The following BGN variants were observed in gnomAD, a reference collection of about 807,000 sequenced individuals.
BGN encodes bone/cartilage proteoglycan-I.
BGN carries 6 observed loss-of-function variants against 20.0 expected under a neutral mutation model. The ratio of observed to expected loss-of-function variants is 0.30; its 90% confidence interval spans 0.16 to 0.59. The LOEUF is 0.59. Ranked by LOEUF, BGN falls within the 20% of genes least tolerant of loss-of-function variation. The pLI, the probability that BGN is intolerant of heterozygous loss-of-function variation, is 0.88. For synonymous variants in BGN, 146 were observed against 134.6 expected (o/e 1.08, Z -0.59); for missense variants, 292 against 312.1 (o/e 0.94, Z 0.49).
Position 153,508,783 on chromosome X carries a change from G to C in BGN, c.*338G>C. The C allele has an allele frequency of 3.3e-6, 1 of 302,999 alleles. No homozygotes were observed. The highest frequency in any genetic ancestry group is 5.8e-6 in the Non-Finnish European group (1 of 171,917). 25.0% of individuals were successfully genotyped at this position (302,999 alleles called of 1,213,427 possible). A position where few individuals can be genotyped will look rare whatever the true frequency, so the allele number is the denominator to read the frequency against. ...CCAAGGCTCCAGTCCTAGGAGAACA[G>C]TCCCTGGGTCAGCAGCCAGGAGGCG... is the stretch of plus-strand genomic sequence containing the variant. On this transcript the variant is annotated 3_prime_UTR_variant, in exon 8 of 8. Coordinates refer to ENST00000331595, the MANE Select transcript of BGN (RefSeq NM_001711.6).
chrX:153,495,972 A>G (rs2266860), intron 1 of BGN, among the ~76,000 whole-genome samples: 30,168 of 112,015 alleles, frequency 0.27, 3,634 homozygotes, highest in East Asian at 0.87. Context: ...GGGCCTGCCA[A>G]GGGACCCAGG....
Position 153,508,543 on chromosome X carries a change from C to T in BGN, c.*98C>T. ...CAGAGCCAGGAAGCTAAGCCAGGGC[C>T]CAGCTGCGTCCAACCCAGCCCCCCA... On this transcript the variant is annotated 3_prime_UTR_variant, in exon 8 of 8. Transcript: ENST00000331595. The T allele has an allele frequency of 3.0e-6, 3 of 983,651 alleles. No homozygotes were observed. Among genetic ancestry groups the T allele is most frequent in the South Asian group, 4.6e-5 (2 of 43,585 alleles). The allele number at this position is 983,651 out of a possible 1,213,427, so 81.1% of individuals were successfully genotyped here.
chrX:153,505,093 C>G (rs1438704249), intron 2 of BGN, 145 bp from the exon 3 acceptor site: 1 of 578,171 alleles, frequency 1.7e-6, no homozygotes, highest in Admixed American at 3.1e-5. Context: ...CCCGGTCCTC[C>G]CTACCAGTGG....
At chrX:153,499,626 C>T (rs2089742405) in intron 1 of BGN, among the ~76,000 whole-genome samples, 1 of 113,260 alleles carries the variant, frequency 8.8e-6, no homozygotes, top group African/African-American at 3.2e-5. Flanking sequence ...AAGGTCCACC[C>T]CTCCCCACTC....
intron 1 of BGN, among the ~76,000 whole-genome samples, chrX:153,502,512 G>A (rs916693044): frequency 3.6e-5 from 4 of 112,271 alleles, no homozygotes; most frequent in South Asian, 7.4e-4. Context: ...GTCCTACAGC[G>A]GCAGCAGGCA....
rs1413093813 is a variant in BGN at position 153,505,887 on chromosome X, A to G, written c.376A>G (p.Ile126Val). 6 of 1,209,517 alleles carry G rather than the reference A, an allele frequency of 5.0e-6. No individual in the cohort carries two copies. In the Admixed American group the frequency reaches 1.3e-4, roughly 26 times the overall value. The change falls in exon 4 of 8, where the codon ATC becomes GTC. Residue 126 changes from isoleucine (I) to valine (V), a missense_variant. Transcript: ENST00000331595. The stretch of plus-strand genomic sequence containing the variant: ...GGCCCTCGTCCTGGTGAACAACAAG[A>G]TCTCCAAGATCCATGAGAAGGCCTT... Reference protein sequence around the residue: ...LYALVLVNNKISKIHEKAFSP... With the variant: ...LYALVLVNNKVSKIHEKAFSP...
At chrX:153,504,471 A>G (rs2089783724) in intron 1 of BGN, 150 bp from the exon 2 acceptor site, 1 of 485,869 alleles carries the variant, frequency 2.1e-6, no homozygotes, top group Admixed American at 3.9e-5. Flanking sequence ...CTCTGCCCAC[A>G]CTCCGCCCTC....
At position 153,508,596 on chromosome X, in the gene BGN, C is replaced by T; in HGVS notation, c.*151C>T. On this transcript the variant is annotated 3_prime_UTR_variant, in exon 8 of 8. Transcript: ENST00000331595. ...TCGGGTCCCTGACCCCAGCTCGATG[C>T]CCCATCACCGCCTCTCCCTGGCTCC... is the stretch of plus-strand genomic sequence containing the variant. 3 of 648,310 alleles carry T rather than the reference C, an allele frequency of 4.6e-6. No homozygotes were observed. The Admixed American group carries it at 1.0e-4, about 22-fold the overall frequency. The allele number at this position is 648,310 out of a possible 1,213,427, so 53.4% of individuals were successfully genotyped here.
chrX:153,505,019 G>A, intron 2 of BGN, 150 bp downstream of exon 2: 3 of 660,797 alleles, frequency 4.5e-6, no homozygotes, highest in East Asian at 6.7e-5. Flanking sequence ...GCTGTGAGCT[G>A]TGCAGTTTGT....
Position 153,506,811 on chromosome X carries a change from T to G in BGN, c.677-19T>G. The G allele has an allele frequency of 8.3e-7, 1 of 1,202,984 alleles. No homozygotes were observed. Among genetic ancestry groups the G allele is most frequent in the Non-Finnish European group, 1.1e-6 (1 of 887,811 alleles). ...CCCTCAGCACCTGCATTCTCCCCTG[T>G]GCCCTCTTCTCCTGGCAGACCTCCC... is the stretch of plus-strand genomic sequence containing the variant. On this transcript the variant is annotated intron_variant, in intron 5 of 7. Coordinates refer to ENST00000331595, the MANE Select transcript of BGN (RefSeq NM_001711.6).
intron 1 of BGN, among the ~76,000 whole-genome samples, chrX:153,500,976 A>C (rs1281917559): frequency 9.1e-6 from 1 of 110,468 alleles, no homozygotes; most frequent in African/African-American, 3.3e-5. Flanking sequence ...GTGAGTGTCT[A>C]GGTGTGTGCA....
chrX:153,508,218 C>G, intron 7 of BGN, 30 bp from the exon 8 acceptor site: 1 of 1,203,884 alleles, frequency 8.3e-7, no homozygotes, highest in Non-Finnish European at 1.1e-6. Flanking sequence ...GGGAGGGAGG[C>G]CTGCCGTGAC....
In BGN at chrX:153,504,850, G is replaced by A; in HGVS notation, c.219G>A (p.Val73=). ...TCGGCTGCCACTGCCACCTGCGGGT[G>A]GTTCAGTGCTCCGACCTGGGTTTGT... is the stretch of plus-strand genomic sequence containing the variant. ...CPFGCHCHLR[V]VQCSDLGLKS... The change falls in exon 2 of 8, where the codon GTG becomes GTA. Residue 73 remains valine, a synonymous_variant. Coordinates refer to ENST00000331595, the MANE Select transcript of BGN (RefSeq NM_001711.6). The A allele has an allele frequency of 8.3e-7, 1 of 1,207,285 alleles. No homozygotes were observed.
intron 7 of BGN, among the ~76,000 whole-genome samples, chrX:153,507,849 G>A (rs1022744899): frequency 1.8e-5 from 2 of 113,479 alleles, no homozygotes; most frequent in African/African-American, 3.2e-5. Flanking sequence ...GCTAGAGGGC[G>A]AGCTCCTCTG....
At chrX:153,505,803 G>A in intron 3 of BGN, 60 bp from the exon 4 acceptor site, 2 of 1,032,577 alleles carry the variant, frequency 1.9e-6, no homozygotes, top group Non-Finnish European at 2.6e-6. Context: ...GAAGGCAGGA[G>A]AGAGGGGCGG....
chrX:153,507,000 C>T lies in BGN; in HGVS notation c.771-47C>T, dbSNP rs2089805887. 3 of 1,208,302 alleles carry T rather than the reference C, an allele frequency of 2.5e-6. No individual in the cohort carries two copies. The African/African-American group carries it at 5.2e-5, about 21-fold the overall frequency. The stretch of plus-strand genomic sequence containing the variant: ...GTGTGGCCCCTCGCGCCCAGCCCCC[C>T]ATCCTTACCTCCAGCCTTTGAGTCC... On this transcript the variant is annotated intron_variant, in intron 6 of 7. Coordinates refer to ENST00000331595, the MANE Select transcript of BGN (RefSeq NM_001711.6).
chrX:153,506,150 T>C, intron 4 of BGN, 74 bp downstream of exon 4: 1 of 1,007,605 alleles, frequency 9.9e-7, no homozygotes, highest in Non-Finnish European at 1.4e-6. Flanking sequence ...AGGGATACCT[T>C]TAGAGGCTCA....
chrX:153,507,819 T>G (rs2089814340), intron 7 of BGN, among the ~76,000 whole-genome samples: 1 of 113,255 alleles, frequency 8.8e-6, no homozygotes, highest in African/African-American at 3.2e-5. Flanking sequence ...AGACGGTGGC[T>G]CCAGAGAGTT....
chrX:153,505,404 G>C (rs995215868), intron 3 of BGN, 54 bp downstream of exon 3: 4 of 1,035,841 alleles, frequency 3.9e-6, no homozygotes, highest in Admixed American at 2.4e-5. Context: ...GGGTCCGGGT[G>C]GGTGCATGTG....
Sources: allele counts gnomAD v4.1 joint callset (sites outside exome capture counted in the v4.1 genomes callset), GRCh38; gene constraint gnomAD v4.1.1; transcripts MANE v1.5; gene names NCBI Gene and HGNC (gene_info 2026-07-23, HGNC 2026-07-21).